Variants in DTNA observed in about 807,000 individuals in gnomAD.
DTNA encodes dystrobrevin alpha.
DTNA carries 43 observed loss-of-function variants against 100.7 expected under a neutral mutation model. That is an observed-to-expected ratio of 0.43 (90% CI 0.33 to 0.55). The LOEUF is 0.55. Ranked by LOEUF, DTNA falls within the 20% of genes least tolerant of loss-of-function variation. The pLI is 0.04. For synonymous variants in DTNA, 349 were observed against 347.9 expected (o/e 1.00, Z -0.04); for missense variants, 798 against 953.9 (o/e 0.84, Z 2.15).
intron 7 of DTNA, among the ~76,000 whole-genome samples, chr18:34,816,433 G>A (rs976180118): frequency 1.3e-5 from 2 of 152,146 alleles, no homozygotes; most frequent in Non-Finnish European, 2.9e-5. Context: ...ATAGCACCCT[G>A]TTAATCTTTA....
chr18:34,796,338 G>C (rs1252926287), intron 4 of DTNA, among the ~76,000 whole-genome samples: 2 of 152,204 alleles, frequency 1.3e-5, no homozygotes, highest in Admixed American at 6.5e-5. Context: ...TATAAGAAGA[G>C]AAACTTAAGA....
chr18:34,838,005 C>A, intron 11 of DTNA, 89 bp from the exon 12 acceptor site: 1 of 1,144,842 alleles, frequency 8.7e-7, no homozygotes, highest in Non-Finnish European at 1.3e-6. Context: ...AAACTTGGAT[C>A]TAGACTTGGG....
intron 1 of DTNA, among the ~76,000 whole-genome samples, chr18:34,682,499 A>G (rs1402136605): frequency 2.0e-5 from 3 of 152,176 alleles, no homozygotes; most frequent in African/African-American, 4.8e-5. Context: ...CCAGCAACAA[A>G]TAAGTGTCCT....
At chr18:34,804,188 C>G (rs1171270144) in intron 4 of DTNA, among the ~76,000 whole-genome samples, 2 of 152,002 alleles carry the variant, frequency 1.3e-5, no homozygotes, top group Non-Finnish European at 2.9e-5. Context: ...GGGTTGTGGG[C>G]AGACCATGTT....
intron 1 of DTNA, among the ~76,000 whole-genome samples, chr18:34,751,285 C>T (rs1345751044): frequency 1.3e-5 from 2 of 152,216 alleles, no homozygotes; most frequent in African/African-American, 4.8e-5. Flanking sequence ...AGTCTCACTC[C>T]TGAAACACAG....
intron 1 of DTNA, among the ~76,000 whole-genome samples, chr18:34,683,979 T>C (rs1249683269): frequency 6.6e-6 from 1 of 152,034 alleles, no homozygotes; most frequent in African/African-American, 2.4e-5. Flanking sequence ...GGGGTACACA[T>C]ATGTGGGAAA....
intron 21 of DTNA, among the ~76,000 whole-genome samples, chr18:34,884,465 G>A (rs1435932743): frequency 3.0e-4 from 45 of 152,148 alleles, no homozygotes; most frequent in Admixed American, 2.8e-3. Context: ...TCCAAGAAAA[G>A]GACAGGGAAG....
intron 1 of DTNA, among the ~76,000 whole-genome samples, chr18:34,610,376 C>T (rs2053989706): frequency 6.6e-6 from 1 of 152,080 alleles, no homozygotes; most frequent in Non-Finnish European, 1.5e-5. Context: ...TATCCAGGAC[C>T]AGAACAAATC....
At chr18:34,721,821 C>T (rs955632354) in intron 1 of DTNA, among the ~76,000 whole-genome samples, 3 of 152,108 alleles carry the variant, frequency 2.0e-5, no homozygotes, top group Admixed American at 6.5e-5. Context: ...CTTCCCTTAC[C>T]TGACATTGCC....
chr18:34,884,800 G>A, intron 22 of DTNA, 24 bp downstream of exon 22: 1 of 1,612,048 alleles, frequency 6.2e-7, no homozygotes, highest in South Asian at 1.1e-5. Flanking sequence ...TATTTAGGAG[G>A]AATCATGGCC....
intron 4 of DTNA, among the ~76,000 whole-genome samples, chr18:34,796,371 A>G (rs754692161): frequency 1.1e-4 from 16 of 152,250 alleles, no homozygotes; most frequent in South Asian, 2.1e-4. Flanking sequence ...TTCAAATTCT[A>G]TTTCTTATAA....
chr18:34,587,822 TATA>T (rs2049293304), intron 1 of DTNA, among the ~76,000 whole-genome samples: 4 of 152,168 alleles, frequency 2.6e-5, no homozygotes, highest in African/African-American at 9.7e-5. Context: ...AGATCACATA[TATA>T]GGATGACCAA....
intron 1 of DTNA, among the ~76,000 whole-genome samples, chr18:34,673,936 A>T (rs2077084018): frequency 6.6e-6 from 1 of 152,216 alleles, no homozygotes; most frequent in South Asian, 2.1e-4. Flanking sequence ...ATAAGTATTA[A>T]AGTAGGCAAC....
chr18:34,667,137 A>T (rs1410371589), intron 1 of DTNA, among the ~76,000 whole-genome samples: 4 of 152,144 alleles, frequency 2.6e-5, no homozygotes, highest in Non-Finnish European at 5.9e-5. Context: ...GAGGTCCTTC[A>T]CATCCCTTGT....
chr18:34,673,824 A>C (rs2077069391), intron 1 of DTNA, among the ~76,000 whole-genome samples: 1 of 152,210 alleles, frequency 6.6e-6, no homozygotes, highest in South Asian at 2.1e-4. Flanking sequence ...ACAACTTTTT[A>C]TCCACTTCTA....
At chr18:34,645,514 G>C (rs2059732774) in intron 1 of DTNA, among the ~76,000 whole-genome samples, 1 of 151,992 alleles carries the variant, frequency 6.6e-6, no homozygotes, top group African/African-American at 2.4e-5. Context: ...TTCCATTCTA[G>C]ATATCTCGAT....
intron 1 of DTNA, among the ~76,000 whole-genome samples, chr18:34,603,185 T>A (rs1047542963): frequency 5.3e-5 from 8 of 151,216 alleles, no homozygotes; most frequent in Non-Finnish European, 1.0e-4. Context: ...CTCCCCAGCC[T>A]GGGCAGCAGA....
intron 4 of DTNA, among the ~76,000 whole-genome samples, chr18:34,805,973 A>G (rs1218605136): frequency 1.3e-5 from 2 of 152,228 alleles, no homozygotes; most frequent in Non-Finnish European, 2.9e-5. Context: ...GACATATACA[A>G]AGAATAAGCT....
Position 34,887,365 on chromosome 18 carries a change from C to G in DTNA, c.*32-401C>G, listed in dbSNP as rs2096931097. ...TGGTACACCACTGTCCTTGGCCACT[C>G]ACATCCAAGTGGAAATTAGAGGATT... is the stretch of plus-strand genomic sequence containing the variant. On this transcript the variant is annotated intron_variant, in intron 22 of 22. Coordinates refer to ENST00000444659, the MANE Select transcript of DTNA (RefSeq NM_001386795.1). Among the ~76,000 whole-genome samples the G allele has an allele frequency of 2.0e-5, 3 of 152,168 alleles. No homozygotes were observed. In the South Asian group the frequency reaches 6.2e-4, roughly 32 times the overall value.
Sources: gnomAD v4.1 joint callset for allele counts (sites outside exome capture counted in the v4.1 genomes callset) on GRCh38, gnomAD v4.1.1 for gene constraint, MANE v1.5 for transcripts, NCBI Gene and HGNC (gene_info 2026-07-23, HGNC 2026-07-21) for gene names.